The following SUGCT variants were observed in gnomAD, a reference collection of about 807,000 sequenced individuals.
SUGCT encodes the protein succinyl-CoA:glutarate-CoA transferase, also known as succinyl-CoA:glutarate CoA-transferase.
SUGCT carries 41 observed loss-of-function variants against 55.0 expected under a neutral mutation model. That is an observed-to-expected ratio of 0.74 (90% CI 0.58 to 0.97). The LOEUF is 0.97. Ranked by LOEUF, SUGCT falls within the 50% of genes least tolerant of loss-of-function variation. SUGCT has a pLI of 0.00. For synonymous variants in SUGCT, 187 were observed against 200.4 expected (o/e 0.93, Z 0.56); for missense variants, 568 against 547.8 (o/e 1.04, Z -0.37).
chr7:40,628,757 T>G (rs891168827), intron 12 of SUGCT, among the ~76,000 whole-genome samples: 1 of 149,466 alleles, frequency 6.7e-6, no homozygotes, highest in Non-Finnish European at 1.5e-5. Context: ...GTGTGTGTGT[T>G]TTAGATGGAG....
intron 1 of SUGCT, among the ~76,000 whole-genome samples, chr7:40,155,246 C>T (rs987373456): frequency 3.3e-5 from 5 of 150,838 alleles, no homozygotes; most frequent in Admixed American, 3.3e-4. Context: ...GATTGCGCCA[C>T]TGCACTCCAG....
chr7:40,279,710 C>G (rs1182249813), intron 8 of SUGCT, among the ~76,000 whole-genome samples: 2 of 151,996 alleles, frequency 1.3e-5, no homozygotes, highest in Non-Finnish European at 2.9e-5. Flanking sequence ...TTCAATTTGT[C>G]TTTCAATTTA....
At chr7:40,559,141 C>G (rs1343952224) in intron 12 of SUGCT, among the ~76,000 whole-genome samples, 1 of 152,204 alleles carries the variant, frequency 6.6e-6, no homozygotes, top group Admixed American at 6.5e-5. Flanking sequence ...TTCAGCTTTA[C>G]TGCTTATGAT....
the SUGCT span, among the ~76,000 whole-genome samples, chr7:40,903,037 CTTTTT>C: frequency 1.4e-5 from 2 of 144,898 alleles, no homozygotes; most frequent in Non-Finnish European, 3.0e-5. Context: ...CTTTTCTTTT[CTTTTT>C]TTTTTTTTGA....
At chr7:40,139,293 G>A (rs961589573) in intron 1 of SUGCT, among the ~76,000 whole-genome samples, 3 of 152,126 alleles carry the variant, frequency 2.0e-5, no homozygotes, top group African/African-American at 7.2e-5. Context: ...CACCTCCTGG[G>A]TTCAAGGATT....
At chr7:40,743,132 T>C (rs1787553209) in intron 12 of SUGCT, among the ~76,000 whole-genome samples, 1 of 152,158 alleles carries the variant, frequency 6.6e-6, no homozygotes, top group Non-Finnish European at 1.5e-5. Context: ...TGGAGTGTCT[T>C]AAAATATGTA....
intron 9 of SUGCT, among the ~76,000 whole-genome samples, chr7:40,351,760 G>T (rs1242389110): frequency 1.3e-5 from 2 of 152,096 alleles, no homozygotes; most frequent in Non-Finnish European, 2.9e-5. Flanking sequence ...CTATGTTTTT[G>T]TCTTCATTTT....
chr7:40,927,787 A>C, the SUGCT span, among the ~76,000 whole-genome samples: 2 of 152,184 alleles, frequency 1.3e-5, no homozygotes, highest in South Asian at 4.1e-4. Flanking sequence ...TGTTTCCTGC[A>C]TATCATTCAA....
At chr7:40,776,761 C>T (rs1789472990) in intron 13 of SUGCT, among the ~76,000 whole-genome samples, 1 of 152,176 alleles carries the variant, frequency 6.6e-6, no homozygotes, top group Non-Finnish European at 1.5e-5. Flanking sequence ...CATTCTGGCT[C>T]TTTTCCCTCC....
At chr7:40,156,963 C>T (rs558317463) in intron 1 of SUGCT, among the ~76,000 whole-genome samples, 2 of 144,158 alleles carry the variant, frequency 1.4e-5, no homozygotes, top group Non-Finnish European at 3.0e-5. Flanking sequence ...TGCAGTGAGC[C>T]GAGATGGCAC....
At chr7:40,887,105 A>T in the SUGCT span, among the ~76,000 whole-genome samples, 2 of 152,222 alleles carry the variant, frequency 1.3e-5, no homozygotes, top group Non-Finnish European at 2.9e-5. Context: ...AAAGAGGACC[A>T]GTATAACCAG....
At chr7:40,408,900 AG>A (rs374889558) in intron 9 of SUGCT, among the ~76,000 whole-genome samples, 392 of 152,302 alleles carry the variant, frequency 2.6e-3, no homozygotes, top group Middle Eastern at 0.017. Flanking sequence ...AGATACACAA[AG>A]GCCTACATGG....
intron 12 of SUGCT, among the ~76,000 whole-genome samples, chr7:40,593,663 A>G (rs1242222437): frequency 6.6e-6 from 1 of 152,124 alleles, no homozygotes; most frequent in Non-Finnish European, 1.5e-5. Context: ...CAACGTGGTG[A>G]AACTCATCTC....
At chr7:40,622,352 T>C (rs1210995460) in intron 12 of SUGCT, among the ~76,000 whole-genome samples, 1 of 152,080 alleles carries the variant, frequency 6.6e-6, no homozygotes, top group African/African-American at 2.4e-5. Flanking sequence ...TGAGTATGGG[T>C]TCTTCAGCAG....
chr7:40,596,522 G>A (rs1213012751), intron 12 of SUGCT, among the ~76,000 whole-genome samples: 1 of 152,154 alleles, frequency 6.6e-6, no homozygotes, highest in East Asian at 1.9e-4. Context: ...TACCTAGGAA[G>A]TCAAAGGAGA....
intron 12 of SUGCT, chr7:40,538,994 G>T (rs922896091): frequency 6.6e-6 from 1 of 152,054 alleles, no homozygotes; most frequent in Admixed American, 6.6e-5. Flanking sequence ...CAGGAGGATG[G>T]CGTGAACCCG....
chr7:40,243,028 G>A lies in SUGCT; in HGVS notation c.576+5302G>A, dbSNP rs113713995. On this transcript the variant is annotated intron_variant, in intron 7 of 13. Coordinates refer to ENST00000335693, the MANE Select transcript of SUGCT (RefSeq NM_001193313.2). ...TGGCTCACAGCAGCCTCAACATCCC[G>A]GGGCTCAGGTGGTCCTCCCCACTCA... 6.3e-3 allele frequency among the ~76,000 whole-genome samples: 841 copies of A among 134,286 alleles called. 4 individuals carry two copies. The highest frequency in any genetic ancestry group is 0.022 in the African/African-American group (780 of 35,618). The allele number at this position is 134,286 out of a possible 152,430, so 88.1% of individuals were successfully genotyped here.
At chr7:40,239,060 C>A (rs1026795109) in intron 7 of SUGCT, among the ~76,000 whole-genome samples, 8 of 151,960 alleles carry the variant, frequency 5.3e-5, no homozygotes, top group African/African-American at 1.9e-4. Flanking sequence ...ACTTTGTGAT[C>A]CAATCCCAGT....
At chr7:40,637,687 A>G (rs1036015233) in intron 12 of SUGCT, among the ~76,000 whole-genome samples, 3 of 152,208 alleles carry the variant, frequency 2.0e-5, no homozygotes, top group Non-Finnish European at 2.9e-5. Context: ...GAGAACCTGG[A>G]CAGATGCTGT....
Sources: gnomAD v4.1 joint callset for allele counts (sites outside exome capture counted in the v4.1 genomes callset) on GRCh38, gnomAD v4.1.1 for gene constraint, MANE v1.5 for transcripts, NCBI Gene and HGNC (gene_info 2026-07-23, HGNC 2026-07-21) for gene names.